POU6F2: variants seen among roughly 807,000 people sequenced by gnomAD.
The protein encoded by POU6F2 is POU class 6 homeobox 2.
In POU6F2, 31 loss-of-function variants were observed where a neutral mutation model predicts 71.3. That is an observed-to-expected ratio of 0.43 (90% confidence interval 0.33 to 0.59). The LOEUF is 0.59. Among genes scored for constraint, POU6F2 ranks in the 20% least tolerant of loss-of-function variants. POU6F2 has a pLI of 0.04. For synonymous variants in POU6F2, 347 were observed against 355.7 expected, an observed-to-expected ratio of 0.98 and a Z score of 0.27; for missense variants, 783 against 856.8, an observed-to-expected ratio of 0.91 and a Z score of 1.07.
chr7:39,356,183 A>G (rs987735469), intron 5 of POU6F2, among the ~76,000 whole-genome samples: 3 of 152,212 alleles, frequency 2.0e-5, no homozygotes, highest in African/African-American at 4.8e-5. Flanking sequence ...CATTTAGTTT[A>G]TATCACCTCC....
intron 1 of POU6F2, among the ~76,000 whole-genome samples, chr7:39,005,383 G>A (rs1219229362): frequency 2.0e-5 from 3 of 152,194 alleles, no homozygotes; most frequent in Admixed American, 6.5e-5. Flanking sequence ...GAATGCAGCC[G>A]ACAACTGCTT....
chr7:39,027,484 G>A (rs1001327372), intron 1 of POU6F2, among the ~76,000 whole-genome samples: 1 of 152,150 alleles, frequency 6.6e-6, no homozygotes, highest in African/African-American at 2.4e-5. Flanking sequence ...ATGTCCTCAG[G>A]GATCTCCATG....
At chr7:39,246,310 A>AT (rs1783819714) in intron 4 of POU6F2, among the ~76,000 whole-genome samples, 1 of 152,202 alleles carries the variant, frequency 6.6e-6, no homozygotes, top group South Asian at 2.1e-4. Context: ...GAGGGCTGAC[A>AT]TTTAACTAAA....
At chr7:39,287,725 C>T (rs1452459936) in intron 4 of POU6F2, among the ~76,000 whole-genome samples, 3 of 152,164 alleles carry the variant, frequency 2.0e-5, no homozygotes, top group South Asian at 4.1e-4. Context: ...TTCCCAGGTG[C>T]TTTGCTACTC....
chr7:39,257,725 C>T (rs1203769132), intron 4 of POU6F2, among the ~76,000 whole-genome samples: 1 of 152,228 alleles, frequency 6.6e-6, no homozygotes. Context: ...AAAGATAATA[C>T]TTATGCATTT....
chr7:39,401,101 T>G (rs1787292976), intron 5 of POU6F2, among the ~76,000 whole-genome samples: 1 of 152,200 alleles, frequency 6.6e-6, no homozygotes, highest in Non-Finnish European at 1.5e-5. Context: ...TCCACCCCAG[T>G]GCACATTCTT....
chr7:39,160,680 A>G (rs533435373), intron 2 of POU6F2, among the ~76,000 whole-genome samples: 2 of 152,206 alleles, frequency 1.3e-5, no homozygotes, highest in South Asian at 2.1e-4. Context: ...AAATCAGCCT[A>G]TTTCATGAAG....
At chr7:39,030,343 T>A (rs1451872647) in intron 1 of POU6F2, among the ~76,000 whole-genome samples, 1 of 151,168 alleles carries the variant, frequency 6.6e-6, no homozygotes, top group African/African-American at 2.4e-5. Context: ...CAGTATCTGT[T>A]ATATTTGTAG....
intron 6 of POU6F2, among the ~76,000 whole-genome samples, chr7:39,407,330 G>T (rs1305719666): frequency 6.6e-6 from 1 of 151,598 alleles, no homozygotes; most frequent in African/African-American, 2.4e-5. Flanking sequence ...GCAACCTCTG[G>T]CATGCTTGTT....
chr7:39,265,291 A>G (rs952208024), intron 4 of POU6F2, among the ~76,000 whole-genome samples: 2 of 152,038 alleles, frequency 1.3e-5, no homozygotes, highest in Non-Finnish European at 2.9e-5. Flanking sequence ...AGGACTACCC[A>G]CCCAGGCCAG....
chr7:39,235,759 G>A (rs763600208), intron 4 of POU6F2, among the ~76,000 whole-genome samples: 22 of 152,244 alleles, frequency 1.4e-4, no homozygotes, highest in Non-Finnish European at 2.1e-4. Context: ...ACTTTCCACC[G>A]TCACCAGAAG....
intron 4 of POU6F2, among the ~76,000 whole-genome samples, chr7:39,326,440 T>C (rs1478496030): frequency 6.6e-6 from 1 of 152,240 alleles, no homozygotes; most frequent in Non-Finnish European, 1.5e-5. Flanking sequence ...TTTGGTCCCA[T>C]CTGCTGAGCA....
chr7:39,232,568 T>C (rs960185681), intron 4 of POU6F2, among the ~76,000 whole-genome samples: 1 of 152,228 alleles, frequency 6.6e-6, no homozygotes, highest in Admixed American at 6.5e-5. Flanking sequence ...ATATAGACGG[T>C]ATTCAAATAC....
In POU6F2 at chr7:39,451,524, C is replaced by A. The variant is rs777796169; in HGVS notation, c.1321-9C>A. ...CATTTGTGTATTTTTTTTACATCCCCTCATGTAGCTCCACCAACCCTCCCA... is the reference window on the plus strand; with the variant it reads ...CATTTGTGTATTTTTTTTACATCCCATCATGTAGCTCCACCAACCCTCCCA... On this transcript the variant is annotated splice_polypyrimidine_tract_variant and intron_variant, in intron 7 of 9. Coordinates refer to ENST00000518318, the MANE Select transcript of POU6F2 (RefSeq NM_001370959.1). The A allele has an allele frequency of 4.4e-6, 7 of 1,607,298 alleles. No homozygotes were observed. The highest frequency in any genetic ancestry group is 5.1e-6 in the Non-Finnish European group (6 of 1,175,318).
At chr7:39,333,670 A>C (rs1161149457) in intron 4 of POU6F2, among the ~76,000 whole-genome samples, 1 of 152,174 alleles carries the variant, frequency 6.6e-6, no homozygotes, top group East Asian at 1.9e-4. Flanking sequence ...CCTGGGAGGC[A>C]GAGGTTGCAG....
intron 1 of POU6F2, among the ~76,000 whole-genome samples, chr7:39,017,683 TC>T (rs1045814012): frequency 1.3e-5 from 2 of 152,162 alleles, no homozygotes; most frequent in African/African-American, 4.8e-5. Flanking sequence ...TTCCTGCAGT[TC>T]CTCAAACATT....
intron 1 of POU6F2, among the ~76,000 whole-genome samples, chr7:39,004,440 T>C (rs1788999185): frequency 6.6e-6 from 1 of 152,226 alleles, no homozygotes; most frequent in Admixed American, 6.5e-5. Flanking sequence ...ACATTTTGAA[T>C]GAGAATTTGT....
chr7:39,016,385 G>A (rs923164628), intron 1 of POU6F2, among the ~76,000 whole-genome samples: 4 of 151,488 alleles, frequency 2.6e-5, no homozygotes, highest in African/African-American at 7.3e-5. Context: ...ATTAAGTACA[G>A]CATCCATGTG....
At chr7:39,463,811 G>A (rs1166417022) in intron 9 of POU6F2, among the ~76,000 whole-genome samples, 7 of 152,200 alleles carry the variant, frequency 4.6e-5, no homozygotes, top group Non-Finnish European at 7.3e-5. Context: ...ACTTCTTAGC[G>A]TTAATTTTTG....
Sources: allele counts gnomAD v4.1 joint callset (sites outside exome capture counted in the v4.1 genomes callset), GRCh38; gene constraint gnomAD v4.1.1; transcripts MANE v1.5; gene names NCBI Gene and HGNC (gene_info 2026-07-23, HGNC 2026-07-21).